Variants in ARHGAP15 observed in about 807,000 individuals in gnomAD.
ARHGAP15 encodes the protein Rho GTPase activating protein 15.
ARHGAP15 carries 51 observed loss-of-function variants against 63.7 expected under a neutral mutation model. That is an observed-to-expected ratio of 0.80 (90% CI 0.64 to 1.01). The LOEUF (loss-of-function observed/expected upper bound fraction) is 1.01. Ranked by LOEUF, ARHGAP15 falls within the 50% of genes least tolerant of loss-of-function variation. The pLI, the probability that ARHGAP15 is intolerant of heterozygous loss-of-function variation, is 0.00. For missense variants in ARHGAP15, 560 were observed against 564.6 expected, an observed-to-expected ratio of 0.99 and a Z score of 0.08; for synonymous variants, 191 against 193.8, an observed-to-expected ratio of 0.99 and a Z score of 0.12.
intron 8 of ARHGAP15, among the ~76,000 whole-genome samples, chr2:143,484,194 C>T (rs1574512269): frequency 6.6e-6 from 1 of 151,948 alleles, no homozygotes; most frequent in African/African-American, 2.4e-5. Context: ...AGTAAAACCC[C>T]ATCTCTACTA....
At chr2:143,455,674 C>T (rs1447016142) in intron 8 of ARHGAP15, among the ~76,000 whole-genome samples, 1 of 152,034 alleles carries the variant, frequency 6.6e-6, no homozygotes, top group African/African-American at 2.4e-5. Context: ...ATTTTATTAA[C>T]AAAACGAATA....
intron 5 of ARHGAP15, chr2:143,237,761 A>T (rs2104937533): frequency 6.6e-6 from 1 of 152,284 alleles, no homozygotes; most frequent in East Asian, 1.9e-4. Context: ...TAAATTCAAA[A>T]ACATTGTAAA....
At chr2:143,421,834 G>A (rs1688937434) in intron 6 of ARHGAP15, among the ~76,000 whole-genome samples, 1 of 149,708 alleles carries the variant, frequency 6.7e-6, no homozygotes, top group South Asian at 2.1e-4. Context: ...TTGAATAATA[G>A]ATGAATTTAT....
chr2:143,298,568 C>T (rs1370568025), intron 6 of ARHGAP15, among the ~76,000 whole-genome samples: 2 of 151,886 alleles, frequency 1.3e-5, no homozygotes, highest in Non-Finnish European at 2.9e-5. Flanking sequence ...CTCATTAAAT[C>T]GATTTGAATC....
intron 9 of ARHGAP15, among the ~76,000 whole-genome samples, chr2:143,503,199 C>T (rs992809186): frequency 1.3e-5 from 2 of 152,150 alleles, no homozygotes; most frequent in African/African-American, 4.8e-5. Context: ...AGCACAATAA[C>T]TGTATTAGTT....
chr2:143,625,947 A>C (rs1698818495), intron 12 of ARHGAP15, among the ~76,000 whole-genome samples: 1 of 152,176 alleles, frequency 6.6e-6, no homozygotes, highest in African/African-American at 2.4e-5. Flanking sequence ...GATTCTAAAG[A>C]TGTTAGGAAA....
chr2:143,497,984 T>C (rs561934121), intron 9 of ARHGAP15, among the ~76,000 whole-genome samples: 2 of 152,290 alleles, frequency 1.3e-5, no homozygotes, highest in East Asian at 3.9e-4. Context: ...TCAGCAGATG[T>C]GTTAGACTGC....
At position 143,652,147 on chromosome 2, in the gene ARHGAP15, C is replaced by T. The variant is rs547271293; in HGVS notation, c.1138+27880C>T. 5.3e-5 allele frequency among the ~76,000 whole-genome samples: 8 copies of T among 152,054 alleles called. No homozygotes were observed. The South Asian group carries it at 1.7e-3, about 31-fold the overall frequency. ...ATAAGTTTGAGAGTCAGATAGTTCT[C>T]TACTTTTTTCTTATTCAAACTTGTT... On this transcript the variant is annotated intron_variant, in intron 12 of 13. Transcript: ENST00000295095.
chr2:143,549,818 C>A (rs1163432750), intron 10 of ARHGAP15, among the ~76,000 whole-genome samples: 1 of 152,196 alleles, frequency 6.6e-6, no homozygotes, highest in Non-Finnish European at 1.5e-5. Context: ...ACTTTGATAA[C>A]TGGGGAGAAC....
intron 6 of ARHGAP15, among the ~76,000 whole-genome samples, chr2:143,319,171 C>T (rs2381408): frequency 0.65 from 99,013 of 151,424 alleles, 33,554 homozygotes; most frequent in African/African-American, 0.84. Context: ...ATTTCTTTTT[C>T]TATCCCTTCC....
chr2:143,342,651 C>A (rs575221008), intron 6 of ARHGAP15, among the ~76,000 whole-genome samples: 1 of 152,084 alleles, frequency 6.6e-6, no homozygotes, highest in African/African-American at 2.4e-5. Flanking sequence ...GCTCTGACAA[C>A]CTTTAAGTTT....
intron 11 of ARHGAP15, among the ~76,000 whole-genome samples, chr2:143,619,863 AGTT>A (rs1481143481): frequency 2.0e-5 from 3 of 152,120 alleles, no homozygotes; most frequent in Non-Finnish European, 4.4e-5. Flanking sequence ...AGGCCTCCCC[AGTT>A]GTTCTTCTAT....
intron 13 of ARHGAP15, among the ~76,000 whole-genome samples, chr2:143,765,897 T>C (rs1032657712): frequency 6.6e-6 from 1 of 152,204 alleles, no homozygotes; most frequent in African/African-American, 2.4e-5. Context: ...TAGAAGCTAC[T>C]TCATGGGCTT....
intron 6 of ARHGAP15, among the ~76,000 whole-genome samples, chr2:143,288,825 T>C (rs1378768883): frequency 6.6e-6 from 1 of 152,038 alleles, no homozygotes; most frequent in African/African-American, 2.4e-5. Context: ...TTTCACCCAG[T>C]AGCAAGACAC....
intron 6 of ARHGAP15, among the ~76,000 whole-genome samples, chr2:143,315,602 T>C (rs1683666335): frequency 1.3e-5 from 2 of 152,124 alleles, no homozygotes; most frequent in Admixed American, 1.3e-4. Flanking sequence ...GAAAATGCTA[T>C]CATTGCATAG....
intron 13 of ARHGAP15, 79 bp downstream of exon 13, chr2:143,703,603 G>C (rs754442702): frequency 4.3e-5 from 50 of 1,159,310 alleles, no homozygotes; most frequent in Non-Finnish European, 6.0e-5. Context: ...CATCTCTAAG[G>C]CAAGAGTTTC....
At chr2:143,746,515 T>C (rs1686171102) in intron 13 of ARHGAP15, among the ~76,000 whole-genome samples, 1 of 152,238 alleles carries the variant, frequency 6.6e-6, no homozygotes, top group South Asian at 2.1e-4. Context: ...ACCTCACTTC[T>C]GTTCAGACAG....
At chr2:143,345,346 CAT>C (rs1468353351) in intron 6 of ARHGAP15, among the ~76,000 whole-genome samples, 1 of 152,046 alleles carries the variant, frequency 6.6e-6, no homozygotes, top group African/African-American at 2.4e-5. Context: ...CCATTCCAGC[CAT>C]ATGTCTCTTT....
At chr2:143,357,893 T>G (rs745662346) in intron 6 of ARHGAP15, among the ~76,000 whole-genome samples, 2 of 152,244 alleles carry the variant, frequency 1.3e-5, no homozygotes, top group Non-Finnish European at 2.9e-5. Context: ...ATGCATAGTT[T>G]TATTTTTCTA....
Sources: gnomAD v4.1 joint callset for allele counts (sites outside exome capture counted in the v4.1 genomes callset) on GRCh38, gnomAD v4.1.1 for gene constraint, MANE v1.5 for transcripts, NCBI Gene and HGNC (gene_info 2026-07-23, HGNC 2026-07-21) for gene names.